The following DNM3 variants were observed in gnomAD, a reference collection of about 807,000 sequenced individuals.
The protein encoded by DNM3 is dynamin 3, also known as dynamin-3.
A neutral mutation model predicts 101.6 loss-of-function variants in DNM3; 47 were observed. The ratio of observed to expected loss-of-function variants is 0.46; its 90% CI spans 0.37 to 0.59. The LOEUF (loss-of-function observed/expected upper bound fraction) is 0.59. Ranked by LOEUF, DNM3 falls within the 20% of genes least tolerant of loss-of-function variation. DNM3 has a pLI of 0.00. For synonymous variants in DNM3, 385 were observed against 387.9 expected (o/e 0.99, Z 0.09); for missense variants, 849 against 1,085.7 (o/e 0.78, Z 3.06).
chr1:172,148,195 A>G (rs1353970624), intron 14 of DNM3, among the ~76,000 whole-genome samples: 1 of 152,006 alleles, frequency 6.6e-6, no homozygotes, highest in South Asian at 2.1e-4. Flanking sequence ...GCGCTTTCAC[A>G]GTTTTGTACT....
At chr1:172,194,179 G>A (rs960826869) in intron 14 of DNM3, among the ~76,000 whole-genome samples, 1 of 152,182 alleles carries the variant, frequency 6.6e-6, no homozygotes, top group African/African-American at 2.4e-5. Context: ...TTTTGAGTGA[G>A]TTTCTTAATC....
intron 14 of DNM3, among the ~76,000 whole-genome samples, chr1:172,171,370 T>C (rs547108536): frequency 1.3e-4 from 20 of 151,918 alleles, no homozygotes; most frequent in Non-Finnish European, 2.4e-4. Flanking sequence ...TTAAATGGAA[T>C]TGAATGCTGT....
exon 21 of DNM3, chr1:172,418,456 C>A: frequency 1.6e-6 from 1 of 631,700 alleles, no homozygotes; most frequent in Non-Finnish European, 2.1e-6. Context: ...AAAGTTTATT[C>A]TATATAAAAA....
At chr1:172,346,657 A>G (rs2066955899) in intron 17 of DNM3, among the ~76,000 whole-genome samples, 1 of 152,246 alleles carries the variant, frequency 6.6e-6, no homozygotes, top group Non-Finnish European at 1.5e-5. Flanking sequence ...ACACATATTT[A>G]TAGTTTAAAT....
intron 7 of DNM3, among the ~76,000 whole-genome samples, chr1:172,038,850 A>G (rs1464444165): frequency 1.3e-5 from 2 of 151,618 alleles, no homozygotes; most frequent in African/African-American, 2.4e-5. Context: ...CTTTATTCCA[A>G]TTATTTCATG....
chr1:172,365,160 TA>T (rs1190083543), intron 17 of DNM3, among the ~76,000 whole-genome samples: 2 of 152,054 alleles, frequency 1.3e-5, no homozygotes, highest in East Asian at 1.9e-4. Flanking sequence ...ATAATAATGT[TA>T]AAAAATTATT....
intron 15 of DNM3, among the ~76,000 whole-genome samples, chr1:172,270,580 A>G (rs2063045603): frequency 6.6e-6 from 1 of 152,172 alleles, no homozygotes; most frequent in Admixed American, 6.6e-5. Context: ...AACTTGCTGC[A>G]TTCAAAGGGA....
chr1:172,379,182 C>T lies in DNM3; in HGVS notation c.2058C>T (p.Asn686=), dbSNP rs139523475. The change falls in exon 18 of 21, where the codon AAC becomes AAT. Residue 686 remains asparagine (N), a splice_region_variant and synonymous_variant. Coordinates refer to ENST00000627582, the MANE Select transcript of DNM3 (RefSeq NM_015569.5). ...CAATAATGCACCTTATGATCAATAA[C>T]GTAAGTGATTATAAACTACCTCCAT... ...PKTIMHLMIN[N]VKDFINSELL... The T allele has an allele frequency of 1.7e-3, 2,747 of 1,599,870 alleles. 38 individuals are homozygous for T. The African/African-American group carries it at 0.03, about 17-fold the overall frequency.
At chr1:172,394,079 G>A (rs564934260) in intron 20 of DNM3, 15 of 152,242 alleles carry the variant, frequency 9.9e-5, no homozygotes, top group African/African-American at 2.9e-4. Context: ...CCATGATTCT[G>A]GCTATAACAC....
chr1:172,402,567 CACCTAACT>C (rs1434852242), intron 20 of DNM3, among the ~76,000 whole-genome samples: 2 of 152,028 alleles, frequency 1.3e-5, no homozygotes, highest in Admixed American at 6.6e-5. Flanking sequence ...AATTTGGGTC[CACCTAACT>C]ACTTATGCTG....
intron 14 of DNM3, chr1:172,136,769 A>T (rs1251163041): frequency 2.6e-5 from 4 of 152,082 alleles, no homozygotes; most frequent in Non-Finnish European, 5.9e-5. Flanking sequence ...CCACTCCCCT[A>T]TATGCATTAT....
intron 14 of DNM3, among the ~76,000 whole-genome samples, chr1:172,236,976 C>T (rs2061567427): frequency 6.6e-6 from 1 of 152,124 alleles, no homozygotes; most frequent in East Asian, 1.9e-4. Flanking sequence ...TTATTAAGGG[C>T]CGAACATTAT....
intron 14 of DNM3, among the ~76,000 whole-genome samples, chr1:172,162,582 A>C (rs1403287279): frequency 6.6e-6 from 1 of 151,990 alleles, no homozygotes; most frequent in East Asian, 1.9e-4. Context: ...AAGAAAGATA[A>C]TTTTTCCTTG....
intron 14 of DNM3, among the ~76,000 whole-genome samples, chr1:172,233,634 A>C (rs1217455325): frequency 6.6e-6 from 1 of 152,192 alleles, no homozygotes; most frequent in African/African-American, 2.4e-5. Flanking sequence ...CGATGCAAAA[A>C]TCCTCAATAA....
chr1:172,412,053 G>GTA lies in DNM3; in HGVS notation c.*4213_*4214insAT. On this transcript the variant is annotated 3_prime_UTR_variant, in exon 21 of 21. Transcript: ENST00000627582. ...TATGCACTGCTATTTGTGTGTGTGT[G>GTA]TGTGTCTTTGTATATATGTAAGAAT... 9.1e-6 allele frequency: 9 copies of GTA among 985,628 alleles called. No homozygotes were observed. Among genetic ancestry groups the GTA allele is most frequent in the Non-Finnish European group, 1.1e-5 (9 of 829,806 alleles). The allele number at this position is 985,628 out of a possible 1,614,324, so 61.1% of individuals were successfully genotyped here. A position where few individuals can be genotyped will look rare whatever the true frequency, so the allele number is the denominator to read the frequency against.
At chr1:172,256,147 G>A (rs865961599) in intron 15 of DNM3, among the ~76,000 whole-genome samples, 29 of 152,190 alleles carry the variant, frequency 1.9e-4, no homozygotes, top group African/African-American at 6.5e-4. Context: ...GCTAAAATGA[G>A]TTAGATTGGC....
intron 4 of DNM3, among the ~76,000 whole-genome samples, chr1:172,000,143 G>A (rs1033407095): frequency 3.3e-5 from 5 of 151,990 alleles, no homozygotes; most frequent in Admixed American, 2.6e-4. Flanking sequence ...ACAGAGCCCC[G>A]GGGCACTCCA....
intron 14 of DNM3, among the ~76,000 whole-genome samples, chr1:172,248,949 G>A (rs1022339024): frequency 6.6e-6 from 1 of 152,148 alleles, no homozygotes; most frequent in Non-Finnish European, 1.5e-5. Context: ...TACCTTTGAA[G>A]ATGTTGTTGC....
At chr1:172,118,287 A>C (rs1489893299) in intron 13 of DNM3, among the ~76,000 whole-genome samples, 3 of 152,178 alleles carry the variant, frequency 2.0e-5, no homozygotes, top group African/African-American at 7.2e-5. Flanking sequence ...GCATCTCCTT[A>C]GTAATACTAT....
Sources: gnomAD v4.1 joint callset for allele counts (sites outside exome capture counted in the v4.1 genomes callset) on GRCh38, gnomAD v4.1.1 for gene constraint, MANE v1.5 for transcripts, NCBI Gene and HGNC (gene_info 2026-07-23, HGNC 2026-07-21) for gene names.